GON4L: variants seen among roughly 807,000 people sequenced by gnomAD.
GON4L encodes the protein gon-4 like.
GON4L carries 87 observed loss-of-function variants against 211.8 expected under a neutral mutation model. The ratio of observed to expected loss-of-function variants is 0.41; its 90% CI spans 0.35 to 0.49. The LOEUF (loss-of-function observed/expected upper bound fraction) is 0.49. GON4L is among the 20% of genes least tolerant of loss of function. GON4L has a pLI of 0.15. For missense variants in GON4L, 2,155 were observed against 2,659.5 expected (o/e 0.81, Z 4.17); for synonymous variants, 875 against 962.6 (o/e 0.91, Z 1.68).
chr1:155,844,332 A>T (rs1671035392), intron 2 of GON4L, among the ~76,000 whole-genome samples: 1 of 152,220 alleles, frequency 6.6e-6, no homozygotes, highest in Non-Finnish European at 1.5e-5. Flanking sequence ...TGTTATCAAT[A>T]AGACCGACTG....
chr1:155,772,840 G>C (rs922415669), intron 18 of GON4L, among the ~76,000 whole-genome samples: 1 of 152,062 alleles, frequency 6.6e-6, no homozygotes, highest in African/African-American at 2.4e-5. Flanking sequence ...CACCATGTCC[G>C]GTCTAAAATG....
chr1:155,825,217 G>A (rs949194348), intron 3 of GON4L, among the ~76,000 whole-genome samples: 1 of 151,990 alleles, frequency 6.6e-6, no homozygotes, highest in African/African-American at 2.4e-5. Flanking sequence ...ACAACAGAAT[G>A]ATATACAGCA....
At chr1:155,764,849 A>G in intron 21 of GON4L, 151 bp downstream of exon 21, 2 of 1,557,898 alleles carry the variant, frequency 1.3e-6, no homozygotes, top group Non-Finnish European at 1.8e-6. Context: ...TTTCACCTCA[A>G]CTCCACAATC....
At position 155,754,447 on chromosome 1, in the gene GON4L, G is replaced by A. The variant is rs1219779371; in HGVS notation, c.5559C>T (p.Ser1853=). The A allele has an allele frequency of 1.2e-6, 2 of 1,613,152 alleles. No individual in the cohort carries two copies. Among genetic ancestry groups the A allele is most frequent in the East Asian group, 2.2e-5 (1 of 44,880 alleles). Residue 1853 remains serine, a synonymous_variant, in exon 28 of 32, where the codon TCC becomes TCT. Transcript: ENST00000368331. ...WPDGAKDCAC[S]CHEGGPDSKL... ...TGGAATCTGGACCTCCTTCATGGCA[G>A]GAGCAGGCACAGTCCTTGGCCCCAT...
At chr1:155,804,554 TAGG>T (rs1427563440) in intron 11 of GON4L, among the ~76,000 whole-genome samples, 1 of 151,808 alleles carries the variant, frequency 6.6e-6, no homozygotes, top group Non-Finnish European at 1.5e-5. Flanking sequence ...GAGGCCAAGG[TAGG>T]AGGATTGTTT....
At chr1:155,783,349 T>G (rs1189626523) in intron 14 of GON4L, among the ~76,000 whole-genome samples, 1 of 152,190 alleles carries the variant, frequency 6.6e-6, no homozygotes. Flanking sequence ...TTTGCTTTGT[T>G]CCACTTATGG....
intron 2 of GON4L, among the ~76,000 whole-genome samples, chr1:155,839,644 C>T (rs1670606781): frequency 7.0e-6 from 1 of 143,242 alleles, no homozygotes; most frequent in African/African-American, 2.6e-5. Context: ...GAATGAGACT[C>T]TGTCTCAAAA....
chr1:155,857,536 C>CT (rs1672392552), upstream of GON4L, among the ~76,000 whole-genome samples: 1 of 152,126 alleles, frequency 6.6e-6, no homozygotes, highest in Non-Finnish European at 1.5e-5. Flanking sequence ...TCGAGATCAC[C>CT]CTGGCTAACA....
intron 22 of GON4L, 91 bp downstream of exon 22, chr1:155,763,221 C>T: frequency 8.1e-7 from 1 of 1,240,538 alleles, no homozygotes; most frequent in Non-Finnish European, 1.1e-6. Flanking sequence ...AAATCCTCCA[C>T]CTGGTTTATA....
At chr1:155,850,493 C>G (rs1671673192) in intron 2 of GON4L, among the ~76,000 whole-genome samples, 1 of 152,204 alleles carries the variant, frequency 6.6e-6, no homozygotes, top group African/African-American at 2.4e-5. Flanking sequence ...CCCAAAAGAG[C>G]TTTCATCTTT....
intron 22 of GON4L, 71 bp downstream of exon 22, chr1:155,763,241 C>A: frequency 5.4e-6 from 8 of 1,477,852 alleles, no homozygotes; most frequent in Non-Finnish European, 7.5e-6. Flanking sequence ...AAGCTACCCA[C>A]CCTGCACACT....
chr1:155,856,770 A>AAAAG (rs767435977), intron 1 of GON4L, among the ~76,000 whole-genome samples: 2 of 152,010 alleles, frequency 1.3e-5, no homozygotes, highest in Non-Finnish European at 2.9e-5. Context: ...GAAAAAAAGA[A>AAAAG]AAAGAAAGAA....
At chr1:155,811,956 G>A (rs150454324) in intron 10 of GON4L, among the ~76,000 whole-genome samples, 6 of 151,632 alleles carry the variant, frequency 4.0e-5, no homozygotes, top group Non-Finnish European at 5.9e-5. Context: ...GGAGGCTAAC[G>A]CAGGAGAATC....
chr1:155,789,555 C>T (rs534981032), intron 12 of GON4L, among the ~76,000 whole-genome samples: 3 of 151,842 alleles, frequency 2.0e-5, no homozygotes, highest in South Asian at 2.1e-4. Context: ...GTGGGAAGAT[C>T]GCTTGACCGC....
intron 1 of GON4L, among the ~76,000 whole-genome samples, chr1:155,854,298 G>A (rs755408293): frequency 2.0e-5 from 3 of 152,118 alleles, no homozygotes; most frequent in South Asian, 2.1e-4. Context: ...GACTACAGGC[G>A]TGCACCACCT....
At chr1:155,835,570 C>A (rs1340251301) in intron 2 of GON4L, among the ~76,000 whole-genome samples, 1 of 152,114 alleles carries the variant, frequency 6.6e-6, no homozygotes, top group Non-Finnish European at 1.5e-5. Flanking sequence ...TTGGCCACCC[C>A]CTAGGTGCTC....
intron 10 of GON4L, among the ~76,000 whole-genome samples, chr1:155,807,432 G>A (rs1329272643): frequency 6.6e-6 from 1 of 151,820 alleles, no homozygotes; most frequent in East Asian, 1.9e-4. Context: ...ATGAGGCTGG[G>A]TGCAGTGGCT....
Position 155,835,505 on chromosome 1 carries a change from A to G in GON4L, c.506-8477T>C, listed in dbSNP as rs1330360450. On this transcript the variant is annotated intron_variant, in intron 2 of 31. Transcript: ENST00000368331. The stretch of plus-strand genomic sequence containing the variant: ...CTGCCCCTTATTTTAGCATATAATC[A>G]AAGTATACCCATATATATATGGCTA... Among the ~76,000 whole-genome samples the G allele has an allele frequency of 1.3e-5, 2 of 152,074 alleles. 1 individual carries two copies. Among genetic ancestry groups the G allele is most frequent in the Non-Finnish European group, 2.9e-5 (2 of 68,012 alleles).
At chr1:155,807,976 C>G (rs992445109) in intron 10 of GON4L, among the ~76,000 whole-genome samples, 1 of 151,828 alleles carries the variant, frequency 6.6e-6, no homozygotes, top group Non-Finnish European at 1.5e-5. Context: ...ATTTCCCACA[C>G]GTTAACCAAA....
Sources: allele counts gnomAD v4.1 joint callset (sites outside exome capture counted in the v4.1 genomes callset), GRCh38; gene constraint gnomAD v4.1.1; transcripts MANE v1.5; gene names NCBI Gene and HGNC (gene_info 2026-07-23, HGNC 2026-07-21).